Variants in EDIL3 observed in about 807,000 individuals in gnomAD.
The protein encoded by EDIL3 is EGF like and discoidin domains 3.
In EDIL3, 37 loss-of-function variants were observed where a neutral mutation model predicts 67.4. The observed-to-expected ratio is 0.55, with a 90% CI of 0.42 to 0.72. The LOEUF is 0.72. Among genes scored for constraint, EDIL3 ranks in the 30% least tolerant of loss-of-function variants. EDIL3 has a pLI of 0.00. For synonymous variants in EDIL3, 195 were observed against 196.3 expected, an observed-to-expected ratio of 0.99 and a Z score of 0.05; for missense variants, 527 against 586.3, an observed-to-expected ratio of 0.90 and a Z score of 1.04.
At chr5:83,950,765 C>T (rs1315498936) in intron 10 of EDIL3, among the ~76,000 whole-genome samples, 5 of 151,826 alleles carry the variant, frequency 3.3e-5, no homozygotes, top group East Asian at 3.9e-4. Context: ...ACAAAAAATC[C>T]AACTTCTTTA....
At chr5:84,347,793 T>C (rs1747265071) in intron 1 of EDIL3, among the ~76,000 whole-genome samples, 2 of 152,258 alleles carry the variant, frequency 1.3e-5, no homozygotes, top group South Asian at 4.1e-4. Context: ...GTTTCTATCA[T>C]GTAGAAAGGA....
At chr5:84,041,378 T>A (rs1397875758) in intron 9 of EDIL3, among the ~76,000 whole-genome samples, 1 of 151,630 alleles carries the variant, frequency 6.6e-6, no homozygotes, top group Non-Finnish European at 1.5e-5. Flanking sequence ...GCAGGAGGTC[T>A]CCAAACCATG....
chr5:84,158,190 G>C (rs1329245257), intron 4 of EDIL3, among the ~76,000 whole-genome samples: 2 of 152,024 alleles, frequency 1.3e-5, no homozygotes, highest in Non-Finnish European at 2.9e-5. Context: ...ATTGGATAGA[G>C]TTAAGTAATA....
intron 2 of EDIL3, among the ~76,000 whole-genome samples, chr5:84,249,937 A>G (rs1427074438): frequency 6.6e-6 from 1 of 152,142 alleles, no homozygotes; most frequent in Non-Finnish European, 1.5e-5. Flanking sequence ...ATAATAGAAC[A>G]TTTATATATA....
intron 3 of EDIL3, among the ~76,000 whole-genome samples, chr5:84,216,751 A>G (rs981424172): frequency 1.3e-4 from 20 of 152,340 alleles, no homozygotes; most frequent in Middle Eastern, 3.4e-3. Context: ...TATGGCAAAC[A>G]GCAAAGAGAA....
chr5:84,246,008 T>C (rs1157000917), intron 2 of EDIL3, among the ~76,000 whole-genome samples: 1 of 152,106 alleles, frequency 6.6e-6, no homozygotes, highest in Non-Finnish European at 1.5e-5. Context: ...CTAAAGCCAA[T>C]GTGATTAGGA....
chr5:83,998,910 C>T (rs565384872), intron 9 of EDIL3, among the ~76,000 whole-genome samples: 4 of 152,234 alleles, frequency 2.6e-5, no homozygotes, highest in African/African-American at 9.6e-5. Flanking sequence ...ATAATCTTTT[C>T]CCCAGTTCTG....
At chr5:84,090,256 T>C (rs1184783432) in intron 6 of EDIL3, among the ~76,000 whole-genome samples, 1 of 152,230 alleles carries the variant, frequency 6.6e-6, no homozygotes. Flanking sequence ...TGTTATGTTT[T>C]GGATTTGTAA....
chr5:83,947,157 G>A (rs1032160602), intron 10 of EDIL3, among the ~76,000 whole-genome samples: 102 of 151,774 alleles, frequency 6.7e-4, no homozygotes, highest in African/African-American at 2.4e-3. Flanking sequence ...TAGTCGAACC[G>A]CATCTGGGAT....
chr5:83,973,170 G>T (rs1744821507), intron 9 of EDIL3, among the ~76,000 whole-genome samples: 1 of 152,004 alleles, frequency 6.6e-6, no homozygotes, highest in Non-Finnish European at 1.5e-5. Flanking sequence ...TGCCTTTCAA[G>T]CCTGATTTTG....
chr5:84,367,480 C>T (rs889983678), intron 1 of EDIL3, among the ~76,000 whole-genome samples: 1 of 152,076 alleles, frequency 6.6e-6, no homozygotes, highest in African/African-American at 2.4e-5. Flanking sequence ...TCTCAGCACT[C>T]AATATAAAAA....
chr5:84,006,080 A>AATG (rs1745410051), intron 9 of EDIL3, among the ~76,000 whole-genome samples: 1 of 134,318 alleles, frequency 7.4e-6, no homozygotes, highest in South Asian at 2.2e-4. Context: ...CAATAGCATT[A>AATG]ATAATAATAA....
intron 1 of EDIL3, among the ~76,000 whole-genome samples, chr5:84,304,775 C>T (rs1746231672): frequency 6.6e-6 from 1 of 152,116 alleles, no homozygotes; most frequent in Admixed American, 6.5e-5. Context: ...CAAATCTAAG[C>T]AGACAAATAC....
chr5:84,052,195 T>C (rs1227340023), intron 9 of EDIL3, among the ~76,000 whole-genome samples: 1 of 152,172 alleles, frequency 6.6e-6, no homozygotes, highest in South Asian at 2.1e-4. Flanking sequence ...CAGAATTTCA[T>C]ATCCAGCCAA....
chr5:84,023,842 T>C (rs1745765784), intron 9 of EDIL3, among the ~76,000 whole-genome samples: 2 of 152,124 alleles, frequency 1.3e-5, no homozygotes, highest in African/African-American at 2.4e-5. Context: ...AAAAAACCCA[T>C]AAAATTATTT....
At chr5:84,125,985 T>C (rs1354560225) in intron 5 of EDIL3, among the ~76,000 whole-genome samples, 4 of 151,946 alleles carry the variant, frequency 2.6e-5, no homozygotes, top group African/African-American at 7.2e-5. Flanking sequence ...GTCTTTTAAA[T>C]GTGGGTTCAA....
At chr5:84,244,376 G>C (rs1256408464) in intron 2 of EDIL3, among the ~76,000 whole-genome samples, 3 of 151,904 alleles carry the variant, frequency 2.0e-5, no homozygotes, top group Admixed American at 2.0e-4. Context: ...TGCCTCCCAG[G>C]TTCAAGCAAT....
At chr5:84,350,304 T>A (rs1248925124) in intron 1 of EDIL3, among the ~76,000 whole-genome samples, 1 of 152,080 alleles carries the variant, frequency 6.6e-6, no homozygotes, top group Non-Finnish European at 1.5e-5. Context: ...TTTCTTGACA[T>A]ACTGACTGGT....
chr5:84,275,876 T>C (rs1033163742), intron 1 of EDIL3, among the ~76,000 whole-genome samples: 17 of 152,204 alleles, frequency 1.1e-4, no homozygotes, highest in South Asian at 4.1e-4. Context: ...TTGTTGAGCA[T>C]CAACATTTTT....
Sources: gnomAD v4.1 joint callset for allele counts (sites outside exome capture counted in the v4.1 genomes callset) on GRCh38, gnomAD v4.1.1 for gene constraint, MANE v1.5 for transcripts, NCBI Gene and HGNC (gene_info 2026-07-23, HGNC 2026-07-21) for gene names.